The following ERICH3 variants were observed in gnomAD, a reference collection of about 807,000 sequenced individuals.
ERICH3 encodes the protein glutamate rich 3.
A neutral mutation model predicts 131.1 loss-of-function variants in ERICH3; 126 were observed. That is an observed-to-expected ratio of 0.96 (90% CI 0.83 to 1.11). The LOEUF is 1.11. ERICH3 is among the 50% of genes most tolerant of loss of function. ERICH3 has a pLI of 0.00. For synonymous variants in ERICH3, 695 were observed against 644.6 expected, an observed-to-expected ratio of 1.08 and a Z score of -1.18; for missense variants, 2,050 against 1,810.7, an observed-to-expected ratio of 1.13 and a Z score of -2.40.
intron 13 of ERICH3, among the ~76,000 whole-genome samples, chr1:74,574,302 T>C (rs1647013840): frequency 6.6e-6 from 1 of 152,194 alleles, no homozygotes; most frequent in Non-Finnish European, 1.5e-5. Context: ...CATTATTTTC[T>C]GTAGCAGCAT....
At chr1:74,623,454 A>G (rs1056908174) in intron 7 of ERICH3, 2 of 152,186 alleles carry the variant, frequency 1.3e-5, no homozygotes. Flanking sequence ...GTGTTGGGTA[A>G]TAACTCCTCT....
At chr1:74,647,925 A>C (rs908252729) in intron 2 of ERICH3, among the ~76,000 whole-genome samples, 34 of 152,272 alleles carry the variant, frequency 2.2e-4, no homozygotes, top group African/African-American at 7.9e-4. Context: ...TTGTGTGACT[A>C]TGTCTGATCT....
At position 74,673,613 on chromosome 1, in the gene ERICH3, G is replaced by T; in HGVS notation, c.-94C>A. ...GGCGCTGCGACAGTCGCGCTCGAGGGGTGGCTCCGCACCGAGGTCCCCTGT... is the reference window on the plus strand; with the variant it reads ...GGCGCTGCGACAGTCGCGCTCGAGGTGTGGCTCCGCACCGAGGTCCCCTGT... On this transcript the variant is annotated 5_prime_UTR_variant, in exon 1 of 15. Transcript: ENST00000326665. 2.1e-6 allele frequency: 3 copies of T among 1,447,978 alleles called. No homozygotes were observed. Among genetic ancestry groups the T allele is most frequent in the South Asian group, 1.2e-5 (1 of 82,628 alleles). The allele number at this position is 1,447,978 out of a possible 1,614,324, so 89.7% of individuals were successfully genotyped here. A position where few individuals can be genotyped will look rare whatever the true frequency, so the allele number is the denominator to read the frequency against.
At chr1:74,578,693 TTTAC>T (rs1415105070) in intron 12 of ERICH3, 101 of 119,580 alleles carry the variant, frequency 8.4e-4, no homozygotes, top group African/African-American at 2.7e-3. Context: ...TCCTTCTTTC[TTTAC>T]TTCCTTCCTT....
At chr1:74,615,848 G>C (rs1648936793) in intron 8 of ERICH3, among the ~76,000 whole-genome samples, 1 of 152,182 alleles carries the variant, frequency 6.6e-6, no homozygotes, top group Non-Finnish European at 1.5e-5. Context: ...TGCTGTCTGT[G>C]GGGGTTGACT....
At chr1:74,619,474 A>G (rs555360317) in intron 8 of ERICH3, among the ~76,000 whole-genome samples, 4 of 152,296 alleles carry the variant, frequency 2.6e-5, no homozygotes, top group African/African-American at 9.6e-5. Context: ...CTATGCCACT[A>G]TCATTAGGGG....
In ERICH3 at chr1:74,599,838, T is replaced by C; in HGVS notation, c.1583A>G (p.Gln528Arg). 1.2e-6 allele frequency: 2 copies of C among 1,612,508 alleles called. No homozygotes were observed. Among genetic ancestry groups the C allele is most frequent in the Non-Finnish European group, 1.7e-6 (2 of 1,178,980 alleles). Residue 528 changes from glutamine to arginine, a missense_variant, in exon 11 of 15, where the codon CAG (glutamine) becomes CGG (arginine). Transcript: ENST00000326665. ...QADVQMNGIP[Q>R]SPLDDKKDNL... is the part of the protein sequence containing the mutation. ...ATCTTTTTTATCATCCAAAGGTGACTGCGGTATTCCATTCATTTGAACATC... is the reference window on the plus strand; with the variant it reads ...ATCTTTTTTATCATCCAAAGGTGACCGCGGTATTCCATTCATTTGAACATC...
At chr1:74,570,872 A>G (rs1646929074) in intron 14 of ERICH3, among the ~76,000 whole-genome samples, 2 of 152,136 alleles carry the variant, frequency 1.3e-5, no homozygotes, top group Admixed American at 1.3e-4. Context: ...AAGACTGAAT[A>G]TGACTTGCCA....
At chr1:74,668,537 A>AT (rs1038137126) in intron 1 of ERICH3, among the ~76,000 whole-genome samples, 3 of 152,216 alleles carry the variant, frequency 2.0e-5, no homozygotes, top group African/African-American at 7.2e-5. Flanking sequence ...CATCAAAAAC[A>AT]TTTTTTGTGT....
chr1:74,574,732 A>G (rs1432099299), intron 13 of ERICH3, among the ~76,000 whole-genome samples: 1 of 152,194 alleles, frequency 6.6e-6, no homozygotes, highest in African/African-American at 2.4e-5. Flanking sequence ...TATGTTTTTA[A>G]TGGAACAAAG....
At chr1:74,587,800 T>C (rs929616780) in intron 12 of ERICH3, among the ~76,000 whole-genome samples, 5 of 152,210 alleles carry the variant, frequency 3.3e-5, no homozygotes, top group Non-Finnish European at 1.5e-5. Context: ...GAAAATTTCA[T>C]AATGAAATTC....
chr1:74,628,781 A>G (rs1023116745), intron 7 of ERICH3, among the ~76,000 whole-genome samples: 1 of 152,114 alleles, frequency 6.6e-6, no homozygotes, highest in African/African-American at 2.4e-5. Flanking sequence ...TAATATGACA[A>G]AAAGGATCTC....
rs1648741851 is a variant in ERICH3 at position 74,612,475 on chromosome 1, G to A, written c.1187+148C>T. On this transcript the variant is annotated intron_variant, in intron 9 of 14. Coordinates refer to ENST00000326665, the MANE Select transcript of ERICH3 (RefSeq NM_001002912.5). The stretch of plus-strand genomic sequence containing the variant: ...TATAATTTCAAATTCAGCACGCCAT[G>A]TTACAATAAACAACCCTGAACCTAG... 8.6e-6 allele frequency: 5 copies of A among 581,454 alleles called. No homozygotes were observed. In the South Asian group the frequency reaches 2.6e-4, roughly 31 times the overall value. The allele number at this position is 581,454 out of a possible 1,614,324, so 36.0% of individuals were successfully genotyped here.
At chr1:74,636,256 T>A (rs1646387785) in intron 6 of ERICH3, 24 bp downstream of exon 6, 1 of 1,550,350 alleles carries the variant, frequency 6.5e-7, no homozygotes. Context: ...TTAAAATATA[T>A]TTATTGATAA....
At chr1:74,600,923 G>A (rs956625312) in intron 10 of ERICH3, among the ~76,000 whole-genome samples, 1 of 151,380 alleles carries the variant, frequency 6.6e-6, no homozygotes, top group Non-Finnish European at 1.5e-5. Flanking sequence ...GGGGCCTCTC[G>A]GGTAATTTAC....
intron 11 of ERICH3, chr1:74,592,236 C>A (rs970007578): frequency 6.6e-6 from 1 of 152,188 alleles, no homozygotes; most frequent in Non-Finnish European, 1.5e-5. Context: ...AAATAAATCA[C>A]ATACTCTAGC....
chr1:74,617,863 T>A (rs1649044810), intron 8 of ERICH3, among the ~76,000 whole-genome samples: 1 of 152,146 alleles, frequency 6.6e-6, no homozygotes, highest in Admixed American at 6.5e-5. Flanking sequence ...AATAAAGCTA[T>A]TTTTTAAAAC....
At position 74,571,566 on chromosome 1, in the gene ERICH3, C is replaced by T; in HGVS notation, c.4144G>A (p.Ala1382Thr). The part of the protein sequence containing the change: ...ANKASSFSDV[A>T]EEETWHQQDE... Reference sequence around the variant, plus strand: ...TGTTGGTGCCAGGTTTCTTCCTCAGCAACATCTGAAAAGGAGGAGGCTTTA... The same window carrying T: ...TGTTGGTGCCAGGTTTCTTCCTCAGTAACATCTGAAAAGGAGGAGGCTTTA... Residue 1382 changes from alanine to threonine, a missense_variant, in exon 14 of 15, where the codon GCT becomes ACT. By Grantham distance (58) the Ala-to-Thr change is moderately conservative. Coordinates refer to ENST00000326665, the MANE Select transcript of ERICH3 (RefSeq NM_001002912.5). The T allele has an allele frequency of 6.2e-7, 1 of 1,614,182 alleles. No homozygotes were observed. The highest frequency in any genetic ancestry group is 8.5e-7 in the Non-Finnish European group (1 of 1,180,024).
intron 1 of ERICH3, among the ~76,000 whole-genome samples, chr1:74,653,149 C>A (rs577606338): frequency 3.7e-4 from 57 of 152,130 alleles, no homozygotes; most frequent in Non-Finnish European, 7.1e-4. Flanking sequence ...TCATAACAAT[C>A]CCTTCTCCTG....
Sources: gnomAD v4.1 joint callset for allele counts (sites outside exome capture counted in the v4.1 genomes callset) on GRCh38, gnomAD v4.1.1 for gene constraint, MANE v1.5 for transcripts, NCBI Gene and HGNC (gene_info 2026-07-23, HGNC 2026-07-21) for gene names.